SLC10A7: variants seen among roughly 807,000 people sequenced by gnomAD.
SLC10A7 encodes the protein sodium/bile acid cotransporter 7.
SLC10A7 carries 29 observed loss-of-function variants against 43.2 expected under a neutral mutation model. That is an observed-to-expected ratio of 0.67 (90% CI 0.50 to 0.92). The LOEUF is 0.92. Among genes scored for constraint, SLC10A7 ranks in the 40% least tolerant of loss-of-function variants. The pLI is 0.00. For synonymous variants in SLC10A7, 152 were observed against 144.8 expected, an observed-to-expected ratio of 1.05 and a Z score of -0.35; for missense variants, 295 against 403.2, an observed-to-expected ratio of 0.73 and a Z score of 2.30.
chr4:146,381,983 T>A (rs939630756), intron 5 of SLC10A7, among the ~76,000 whole-genome samples: 9 of 152,058 alleles, frequency 5.9e-5, no homozygotes, highest in Admixed American at 5.9e-4. Context: ...AAATAATGAT[T>A]TCTAAACCTA....
intron 5 of SLC10A7, among the ~76,000 whole-genome samples, chr4:146,378,697 G>C (rs889871222): frequency 6.6e-6 from 1 of 152,170 alleles, no homozygotes; most frequent in Non-Finnish European, 1.5e-5. Flanking sequence ...GGAGAATATA[G>C]ATTAAGATAG....
At chr4:146,469,499 G>A (rs1733365451) in intron 4 of SLC10A7, among the ~76,000 whole-genome samples, 2 of 152,138 alleles carry the variant, frequency 1.3e-5, no homozygotes, top group African/African-American at 2.4e-5. Flanking sequence ...CAATTATTCA[G>A]TAAACAGACA....
At chr4:146,391,845 A>G (rs1179010630) in intron 5 of SLC10A7, among the ~76,000 whole-genome samples, 1 of 152,166 alleles carries the variant, frequency 6.6e-6, no homozygotes, top group African/African-American at 2.4e-5. Context: ...AGAGAGAAAA[A>G]TTATATTCAT....
intron 5 of SLC10A7, among the ~76,000 whole-genome samples, chr4:146,400,542 G>A (rs1739157751): frequency 6.6e-6 from 1 of 152,054 alleles, no homozygotes; most frequent in African/African-American, 2.4e-5. Context: ...GTGACTTATC[G>A]AAACGTTTTC....
chr4:146,356,049 A>ATAT (rs1329984795), intron 5 of SLC10A7, among the ~76,000 whole-genome samples: 1,752 of 120,356 alleles, frequency 0.015, 22 homozygotes, highest in East Asian at 0.046. Context: ...TAAAAAAAAA[A>ATAT]AAATATATAT....
chr4:146,379,256 T>C (rs1277445227), intron 5 of SLC10A7, among the ~76,000 whole-genome samples: 1 of 152,216 alleles, frequency 6.6e-6, no homozygotes, highest in Non-Finnish European at 1.5e-5. Context: ...GAGGTCTACA[T>C]TGTTCTCAGC....
intron 4 of SLC10A7, among the ~76,000 whole-genome samples, chr4:146,462,283 G>A (rs1319157057): frequency 6.6e-6 from 1 of 151,992 alleles, no homozygotes; most frequent in Non-Finnish European, 1.5e-5. Flanking sequence ...CATAGCTGAT[G>A]TTTAAAACAA....
intron 5 of SLC10A7, among the ~76,000 whole-genome samples, chr4:146,351,427 A>G (rs971939513): frequency 2.0e-5 from 3 of 152,114 alleles, no homozygotes; most frequent in African/African-American, 7.2e-5. Context: ...CCTGAAAGTG[A>G]TGTGGAGAAT....
At chr4:146,297,034 T>C (rs923166) in intron 7 of SLC10A7, among the ~76,000 whole-genome samples, 71,831 of 151,948 alleles carry the variant, frequency 0.47, 17,281 homozygotes, top group Admixed American at 0.57. Flanking sequence ...CTGATATAGA[T>C]GCCTCAGAAT....
At chr4:146,456,743 C>T (rs575406838) in intron 4 of SLC10A7, among the ~76,000 whole-genome samples, 5 of 151,876 alleles carry the variant, frequency 3.3e-5, no homozygotes, top group African/African-American at 7.2e-5. Context: ...GATTAAATCA[C>T]GGATCACATG....
intron 7 of SLC10A7, among the ~76,000 whole-genome samples, chr4:146,300,778 A>G (rs1731105492): frequency 6.6e-6 from 1 of 152,154 alleles, no homozygotes; most frequent in Admixed American, 6.5e-5. Flanking sequence ...AAAAAGATAT[A>G]CTTTTTTTTC....
At chr4:146,487,633 CCA>C (rs1318691630) in intron 4 of SLC10A7, among the ~76,000 whole-genome samples, 3 of 152,152 alleles carry the variant, frequency 2.0e-5, no homozygotes, top group Non-Finnish European at 4.4e-5. Context: ...CCATGACTTC[CCA>C]CCTGTGGGAC....
chr4:146,515,786 T>C (rs1418733143), intron 2 of SLC10A7, among the ~76,000 whole-genome samples: 2 of 151,844 alleles, frequency 1.3e-5, no homozygotes, highest in Non-Finnish European at 2.9e-5. Flanking sequence ...GGTGGGTGCC[T>C]GTAGTCCCAG....
At chr4:146,478,252 C>A (rs1197692973) in intron 4 of SLC10A7, 1 of 152,202 alleles carries the variant, frequency 6.6e-6, no homozygotes, top group Non-Finnish European at 1.5e-5. Context: ...TTGTTTTAGA[C>A]TAATCTCCTC....
chr4:146,476,915 C>T (rs1286200446), intron 4 of SLC10A7, among the ~76,000 whole-genome samples: 1 of 150,394 alleles, frequency 6.6e-6, no homozygotes, highest in South Asian at 2.1e-4. Flanking sequence ...ACAGATCACC[C>T]TTTGTCACTG....
chr4:146,383,660 A>G (rs1737793925), intron 5 of SLC10A7, among the ~76,000 whole-genome samples: 1 of 152,102 alleles, frequency 6.6e-6, no homozygotes, highest in Non-Finnish European at 1.5e-5. Context: ...CAAACTTCCA[A>G]CAGCCTGGAC....
intron 10 of SLC10A7, among the ~76,000 whole-genome samples, 161 bp from the exon 11 acceptor site, chr4:146,258,998 C>G (rs1728053076): frequency 6.6e-6 from 1 of 152,200 alleles, no homozygotes; most frequent in South Asian, 2.1e-4. Flanking sequence ...GTCACCAAAA[C>G]TTTCCATCTT....
At chr4:146,281,722 T>C (rs528014501) in intron 10 of SLC10A7, among the ~76,000 whole-genome samples, 1 of 152,288 alleles carries the variant, frequency 6.6e-6, no homozygotes, top group South Asian at 2.1e-4. Context: ...ACTTGTTACA[T>C]GAAAATCTAC....
At chr4:146,442,237 T>TTATATATA (rs57108158) in intron 5 of SLC10A7, 180 of 819,872 alleles carry the variant, frequency 2.2e-4, no homozygotes, top group African/African-American at 5.6e-4. Flanking sequence ...TTTTGAATCT[T>TTATATATA]TATATATATA....
Sources: allele counts gnomAD v4.1 joint callset (sites outside exome capture counted in the v4.1 genomes callset), GRCh38; gene constraint gnomAD v4.1.1; transcripts MANE v1.5; gene names NCBI Gene and HGNC (gene_info 2026-07-23, HGNC 2026-07-21).